GPSM1: variants seen among roughly 807,000 people sequenced by gnomAD.
GPSM1 encodes G protein-signaling modulator 1.
In GPSM1, 48 loss-of-function variants were observed where a neutral mutation model predicts 70.5. That is an observed-to-expected ratio of 0.68 (90% CI 0.54 to 0.87). The LOEUF (loss-of-function observed/expected upper bound fraction) is 0.87. Ranked by LOEUF, GPSM1 falls within the 40% of genes least tolerant of loss-of-function variation. GPSM1 has a pLI of 0.00. For missense variants in GPSM1, 981 were observed against 972.6 expected (o/e 1.01, Z -0.11); for synonymous variants, 416 against 430.1 (o/e 0.97, Z 0.41).
chr9:136,350,339 C>T (rs1832630305), intron 11 of GPSM1, among the ~76,000 whole-genome samples: 1 of 152,132 alleles, frequency 6.6e-6, no homozygotes, highest in South Asian at 2.1e-4. Context: ...TGGACGAGGC[C>T]AACACAGTCC....
Position 136,358,623 on chromosome 9 carries a change from C to G in GPSM1, c.*403C>G. 1 of 314,236 alleles carries G rather than the reference C, an allele frequency of 3.2e-6. No individual in the cohort carries two copies. The highest frequency in any genetic ancestry group is 5.9e-6 in the Non-Finnish European group (1 of 169,232). The allele number at this position is 314,236 out of a possible 1,614,324, so 19.5% of individuals were successfully genotyped here. A position where few individuals can be genotyped will look rare whatever the true frequency, so the allele number is the denominator to read the frequency against. ...AGCCGCCTCTTGGGGCCACCAAGGA[C>G]AGGGCCATGTTCTGTCCCCCCAGAG... On this transcript the variant is annotated 3_prime_UTR_variant, in exon 14 of 14. Coordinates refer to ENST00000440944, the MANE Select transcript of GPSM1 (RefSeq NM_001145638.3).
chr9:136,327,865 G>C (rs1832013015), intron 1 of GPSM1, 102 bp downstream of exon 1: 1 of 360,286 alleles, frequency 2.8e-6, no homozygotes, highest in Non-Finnish European at 4.3e-6. Context: ...CAGCTCTCGC[G>C]GGCGCGCAGC....
chr9:136,328,767 T>C (rs1364748633), intron 1 of GPSM1, among the ~76,000 whole-genome samples: 1 of 152,168 alleles, frequency 6.6e-6, no homozygotes, highest in Non-Finnish European at 1.5e-5. Flanking sequence ...GATGGAGCGC[T>C]GAGCCCCTAG....
chr9:136,357,494 G>C (rs1442991257), intron 13 of GPSM1, among the ~76,000 whole-genome samples: 3 of 152,316 alleles, frequency 2.0e-5, no homozygotes, highest in African/African-American at 7.2e-5. Context: ...TTGGCCCCCT[G>C]GCCTGCACAC....
At position 136,343,389 on chromosome 9, in the gene GPSM1, G is replaced by A. The variant is rs1475732600; in HGVS notation, c.1207+2396G>A. 2.0e-5 allele frequency among the ~76,000 whole-genome samples: 3 copies of A among 152,194 alleles called. No homozygotes were observed. The highest frequency in any genetic ancestry group is 7.2e-5 in the African/African-American group (3 of 41,434). On this transcript the variant is annotated intron_variant, in intron 9 of 13. Coordinates refer to ENST00000440944, the MANE Select transcript of GPSM1 (RefSeq NM_001145638.3). The surrounding 1 kb of genome is among the most constrained non-coding windows in gnomAD (Gnocchi z 6.0). ...CCTGCAGGACCGCCCCCTGCCCTTGGCCTGTCCCCGATGGCCCTGCCTGTC... is the reference window on the plus strand; with the variant it reads ...CCTGCAGGACCGCCCCCTGCCCTTGACCTGTCCCCGATGGCCCTGCCTGTC...
intron 6 of GPSM1, 95 bp from the exon 7 acceptor site, chr9:136,338,460 C>T (rs910940580): frequency 3.9e-5 from 48 of 1,217,284 alleles, no homozygotes; most frequent in African/African-American, 1.9e-4. Context: ...GATTCCGGGG[C>T]AGGGGACCAT....
chr9:136,358,288 C>T lies in GPSM1; in HGVS notation c.*68C>T, dbSNP rs1334107202. The stretch of plus-strand genomic sequence containing the variant: ...GACGCCGGTCTCACAGTCACAGCCA[C>T]GTCCTCCCGAGGCCATTGCCGAGGA... On this transcript the variant is annotated 3_prime_UTR_variant, in exon 14 of 14. Coordinates refer to ENST00000440944, the MANE Select transcript of GPSM1 (RefSeq NM_001145638.3). The T allele has an allele frequency of 3.6e-5, 49 of 1,355,862 alleles. No individual in the cohort carries two copies. Among genetic ancestry groups the T allele is most frequent in the African/African-American group, 4.3e-5 (3 of 69,070 alleles). 84.0% of individuals were successfully genotyped at this position (1,355,862 alleles called of 1,614,324 possible).
chr9:136,332,884 C>T (rs28420802), intron 1 of GPSM1, among the ~76,000 whole-genome samples: 12 of 148,568 alleles, frequency 8.1e-5, no homozygotes, highest in African/African-American at 2.7e-4. Context: ...TGGTGCAAAC[C>T]TGAAGTCCCA....
At chr9:136,347,224 C>T (rs565401808) in intron 9 of GPSM1, among the ~76,000 whole-genome samples, 5 of 152,240 alleles carry the variant, frequency 3.3e-5, no homozygotes, top group Admixed American at 6.5e-5. Context: ...AGCTCCGAGG[C>T]GTAGTAATGG....
In GPSM1 at chr9:136,337,471, C is replaced by A. The variant is rs75715080; in HGVS notation, c.609C>A (p.Gly203=). 2.7e-3 allele frequency: 4,282 copies of A among 1,568,228 alleles called. 101 individuals are homozygous for A. In the African/African-American group the frequency reaches 0.051, roughly 19 times the overall value. The change falls in exon 5 of 14, where the codon GGC becomes GGA. Residue 203 remains glycine (G), a synonymous_variant. Transcript: ENST00000440944. ...ERNLSLVKEL[G]DRAAQGRAYG... is the part of the protein sequence containing the mutation. ...ACCTGTCCCTGGTGAAGGAGCTGGG[C>A]GACCGTGCGGCGCAGGGCAGGGCCT...
At chr9:136,338,849 G>C (rs1832317640) in intron 7 of GPSM1, 139 bp downstream of exon 7, 1 of 902,674 alleles carries the variant, frequency 1.1e-6, no homozygotes, top group South Asian at 1.7e-5. Context: ...ACGCCACTGT[G>C]GGGACTGAGC....
Position 136,341,374 on chromosome 9 carries a change from G to T in GPSM1, c.1207+381G>T. On this transcript the variant is annotated intron_variant, in intron 9 of 13. Coordinates refer to ENST00000440944, the MANE Select transcript of GPSM1 (RefSeq NM_001145638.3). The surrounding 1 kb of genome is among the most constrained non-coding windows in gnomAD (Gnocchi z 6.7). ...GAGAGGGCATCAGCCAGAGGGCTGG[G>T]CTGGGCTGGGCTGGGCTGGGCTGTG... 1 of 1,416,138 alleles carries T rather than the reference G, an allele frequency of 7.1e-7. No homozygotes were observed. The highest frequency in any genetic ancestry group is 9.2e-7 in the Non-Finnish European group (1 of 1,086,498). 87.7% of individuals were successfully genotyped at this position (1,416,138 alleles called of 1,614,324 possible).
At position 136,337,466 on chromosome 9, in the gene GPSM1, C is replaced by G; in HGVS notation, c.604C>G (p.Leu202Val). ...GAGGAACCTGTCCCTGGTGAAGGAG[C>G]TGGGCGACCGTGCGGCGCAGGGCAG... ...YERNLSLVKE[L>V]GDRAAQGRAY... Residue 202 changes from leucine (L) to valine (V), a missense_variant, in exon 5 of 14, where the codon CTG becomes GTG. By Grantham distance (32) the Leu-to-Val change is conservative. Coordinates refer to ENST00000440944, the MANE Select transcript of GPSM1 (RefSeq NM_001145638.3). 6.4e-7 allele frequency: 1 copy of G among 1,569,132 alleles called. No individual in the cohort carries two copies.
At chr9:136,354,279 A>T (rs1184933607) in intron 11 of GPSM1, among the ~76,000 whole-genome samples, 1 of 151,936 alleles carries the variant, frequency 6.6e-6, no homozygotes, top group Non-Finnish European at 1.5e-5. Context: ...TCTAGGCCCC[A>T]CTCTCCTGTG....
intron 6 of GPSM1, 68 bp from the exon 7 acceptor site, chr9:136,338,487 C>T (rs1588694660): frequency 6.8e-7 from 1 of 1,475,806 alleles, no homozygotes; most frequent in South Asian, 1.2e-5. Flanking sequence ...GACTGCGTCC[C>T]CATTCTTACC....
chr9:136,340,736 C>A lies in GPSM1; in HGVS notation c.1084-134C>A. On this transcript the variant is annotated intron_variant, in intron 8 of 13. Coordinates refer to ENST00000440944, the MANE Select transcript of GPSM1 (RefSeq NM_001145638.3). This position sits in a 1 kb window ranked among gnomAD's most constrained non-coding sequence, Gnocchi z 7.3. ...CAGTGAGTCCTGGTTCCCTCAGAGG[C>A]CCAGGGGTCAGTGACCAGTTCAGGT... 7.9e-7 allele frequency: 1 copy of A among 1,264,550 alleles called. No homozygotes were observed. The highest frequency in any genetic ancestry group is 1.1e-6 in the Non-Finnish European group (1 of 943,660). 78.3% of individuals were successfully genotyped at this position (1,264,550 alleles called of 1,614,324 possible). A position where few individuals can be genotyped will look rare whatever the true frequency, so the allele number is the denominator to read the frequency against.
rs782301159 is a variant in GPSM1 at position 136,337,933 on chromosome 9, C to A, written c.790C>A (p.Arg264Ser). Reference protein sequence around the residue: ...NLGNAHVFLGRFDVAAEYYKK... With the variant: ...NLGNAHVFLGSFDVAAEYYKK... ...GGGGAACGCCCACGTCTTCCTGGGG[C>A]GCTTTGACGTGGCCGCCGAGTACTA... is the stretch of plus-strand genomic sequence containing the variant. The change falls in exon 6 of 14, where the codon CGC becomes AGC. Residue 264 changes from arginine (R) to serine (S), a missense_variant. Arg to Ser is a moderately radical substitution (Grantham distance 110). Coordinates refer to ENST00000440944, the MANE Select transcript of GPSM1 (RefSeq NM_001145638.3). 6.2e-7 allele frequency: 1 copy of A among 1,611,628 alleles called. No homozygotes were observed. Among genetic ancestry groups the A allele is most frequent in the Non-Finnish European group, 8.5e-7 (1 of 1,179,042 alleles).
chr9:136,336,603 A>G (rs28450528), intron 3 of GPSM1, among the ~76,000 whole-genome samples: 57,624 of 152,096 alleles, frequency 0.38, 11,573 homozygotes, highest in African/African-American at 0.5. Context: ...GCTGGAGGTG[A>G]CCAAGGGGGC....
chr9:136,358,441 T>C lies in GPSM1; in HGVS notation c.*221T>C. On this transcript the variant is annotated 3_prime_UTR_variant, in exon 14 of 14. Coordinates refer to ENST00000440944, the MANE Select transcript of GPSM1 (RefSeq NM_001145638.3). ...CCATGGCCCTCAGCTTCCTCCCTTC[T>C]GCCCCTGCCGCAGGCCGGACGGGGC... The C allele has an allele frequency of 1.8e-6, 1 of 568,228 alleles. No individual in the cohort carries two copies. Among genetic ancestry groups the C allele is most frequent in the Non-Finnish European group, 3.1e-6 (1 of 326,492 alleles). 35.2% of individuals were successfully genotyped at this position (568,228 alleles called of 1,614,324 possible).
Sources: allele counts gnomAD v4.1 joint callset (sites outside exome capture counted in the v4.1 genomes callset), GRCh38; gene constraint gnomAD v4.1.1; non-coding constraint Gnocchi (gnomAD v3.1); transcripts MANE v1.5; gene names NCBI Gene and HGNC (gene_info 2026-07-23, HGNC 2026-07-21).